The following EPS15 variants were observed in gnomAD, a reference collection of about 807,000 sequenced individuals.
EPS15 encodes epidermal growth factor receptor substrate 15.
In EPS15, 72 loss-of-function variants were observed where a neutral mutation model predicts 113.8. The observed-to-expected ratio is 0.63, with a 90% CI of 0.52 to 0.77. EPS15 has a LOEUF of 0.77. Ranked by LOEUF, EPS15 falls within the 30% of genes least tolerant of loss-of-function variation. EPS15 has a pLI of 0.00. For missense variants in EPS15, 1,048 were observed against 1,045.8 expected, an observed-to-expected ratio of 1.00 and a Z score of -0.03; for synonymous variants, 344 against 363.4, an observed-to-expected ratio of 0.95 and a Z score of 0.61.
chr1:51,391,996 C>T (rs1289543022), intron 21 of EPS15, among the ~76,000 whole-genome samples: 1 of 152,060 alleles, frequency 6.6e-6, no homozygotes, highest in Non-Finnish European at 1.5e-5. Context: ...AGATATAGAT[C>T]AGTGTATCAG....
intron 8 of EPS15, among the ~76,000 whole-genome samples, chr1:51,455,376 G>C (rs1234321666): frequency 1.3e-5 from 2 of 152,090 alleles, no homozygotes; most frequent in East Asian, 3.9e-4. Context: ...GATTACCTGA[G>C]ATCAGGAGTT....
intron 21 of EPS15, among the ~76,000 whole-genome samples, chr1:51,383,646 C>A (rs1161556041): frequency 6.6e-6 from 1 of 152,210 alleles, no homozygotes; most frequent in Non-Finnish European, 1.5e-5. Context: ...CACTCACCTC[C>A]TCCTGTGCAG....
intron 2 of EPS15, among the ~76,000 whole-genome samples, chr1:51,477,840 C>A (rs1643939960): frequency 1.3e-5 from 2 of 152,096 alleles, no homozygotes; most frequent in African/African-American, 2.4e-5. Context: ...AATTTCTGTT[C>A]TTTTACATTT....
chr1:51,392,657 T>C (rs1043531966), intron 21 of EPS15, among the ~76,000 whole-genome samples: 31 of 152,336 alleles, frequency 2.0e-4, no homozygotes, highest in African/African-American at 6.7e-4. Flanking sequence ...CTTGTTCACA[T>C]TGTTCTTTTT....
At chr1:51,488,541 T>C (rs1282016048) in intron 1 of EPS15, among the ~76,000 whole-genome samples, 6 of 151,300 alleles carry the variant, frequency 4.0e-5, no homozygotes, top group African/African-American at 1.5e-4. Context: ...ATTCTACTAC[T>C]TCTTAGGTAT....
chr1:51,484,293 C>A lies in EPS15; in HGVS notation c.34-2979G>T, dbSNP rs116248658. 7.9e-3 allele frequency among the ~76,000 whole-genome samples: 1,190 copies of A among 151,186 alleles called. 11 individuals carry two copies. Among genetic ancestry groups the A allele is most frequent in the Non-Finnish European group, 0.012 (805 of 67,712 alleles). ...AAACTATTATTGGGCCAGGTGTAGT[C>A]GCTCGCGCCTGTAATCTCAGCACTT... On this transcript the variant is annotated intron_variant, in intron 1 of 24. Transcript: ENST00000371733.
intron 21 of EPS15, among the ~76,000 whole-genome samples, chr1:51,393,486 G>A (rs553530193): frequency 6.6e-6 from 1 of 152,202 alleles, no homozygotes; most frequent in Non-Finnish European, 1.5e-5. Context: ...ACAGGCGTGA[G>A]CCACCGGGCC....
Position 51,436,354 on chromosome 1 carries a change from T to C in EPS15, c.1040+3993A>G, listed in dbSNP as rs72637991. On this transcript the variant is annotated intron_variant, in intron 12 of 24. Coordinates refer to ENST00000371733, the MANE Select transcript of EPS15 (RefSeq NM_001981.3). ...CAAAGCAGAGAGCCAATGAGGAGGTTACAGCCATGATCCAGATAAAAGACA... is the reference window on the plus strand; with the variant it reads ...CAAAGCAGAGAGCCAATGAGGAGGTCACAGCCATGATCCAGATAAAAGACA... Among the ~76,000 whole-genome samples, 969 of 152,236 alleles carry C rather than the reference T, an allele frequency of 6.4e-3. 51 individuals carry two copies. The East Asian group carries it at 0.16, about 25-fold the overall frequency.
intron 21 of EPS15, among the ~76,000 whole-genome samples, chr1:51,379,375 C>T (rs879408435): frequency 7.2e-5 from 11 of 152,200 alleles, no homozygotes; most frequent in African/African-American, 2.6e-4. Flanking sequence ...CCACCTCGGC[C>T]TCCCACAGTG....
At chr1:51,426,231 C>T (rs577735860) in intron 12 of EPS15, among the ~76,000 whole-genome samples, 1 of 151,450 alleles carries the variant, frequency 6.6e-6, no homozygotes, top group Non-Finnish European at 1.5e-5. Flanking sequence ...CTTCTAATGT[C>T]TTTCTACTCA....
intron 11 of EPS15, among the ~76,000 whole-genome samples, chr1:51,444,493 T>C (rs113602705): frequency 6.6e-6 from 1 of 152,218 alleles, no homozygotes; most frequent in African/African-American, 2.4e-5. Flanking sequence ...AACCATCATA[T>C]GCAAGATTCT....
At chr1:51,466,688 A>C (rs1654869660) in intron 5 of EPS15, among the ~76,000 whole-genome samples, 1 of 151,932 alleles carries the variant, frequency 6.6e-6, no homozygotes, top group African/African-American at 2.4e-5. Flanking sequence ...ATACTAACTT[A>C]AATGTAAAAA....
chr1:51,361,018 TCAAA>T (rs1377906777), intron 24 of EPS15, among the ~76,000 whole-genome samples, 149 bp downstream of exon 24: 1 of 152,224 alleles, frequency 6.6e-6, no homozygotes, highest in Non-Finnish European at 1.5e-5. Context: ...CAAAACAGGA[TCAAA>T]CAGAGGTTTT....
intron 12 of EPS15, among the ~76,000 whole-genome samples, chr1:51,436,365 T>G (rs1340470699): frequency 6.6e-6 from 1 of 152,008 alleles, no homozygotes; most frequent in African/African-American, 2.4e-5. Context: ...ACAGCCATGA[T>G]CCAGATAAAA....
intron 17 of EPS15, among the ~76,000 whole-genome samples, chr1:51,402,855 A>C (rs1260025382): frequency 6.6e-6 from 1 of 152,214 alleles, no homozygotes; most frequent in African/African-American, 2.4e-5. Flanking sequence ...CAGTGAGCCA[A>C]GATCACACTA....
chr1:51,409,724 A>C (rs1452274220), intron 13 of EPS15, 28 bp from the exon 14 acceptor site: 3 of 1,533,468 alleles, frequency 2.0e-6, no homozygotes, highest in Non-Finnish European at 2.7e-6. Flanking sequence ...TAATATATTT[A>C]TTTTCTTTGC....
At chr1:51,385,650 TAA>T in intron 21 of EPS15, among the ~76,000 whole-genome samples, 1 of 152,174 alleles carries the variant, frequency 6.6e-6, no homozygotes, top group Non-Finnish European at 1.5e-5. Flanking sequence ...TGACGGCAAC[TAA>T]GTGTCCATTA....
intron 12 of EPS15, chr1:51,423,617 A>G: frequency 1.0e-6 from 1 of 985,296 alleles, no homozygotes; most frequent in Non-Finnish European, 1.2e-6. Context: ...AAAATAGAAA[A>G]CACTACAGTG....
chr1:51,374,728 G>A (rs1180214070), intron 21 of EPS15, among the ~76,000 whole-genome samples: 1 of 152,156 alleles, frequency 6.6e-6, no homozygotes, highest in Non-Finnish European at 1.5e-5. Context: ...CTCAATGTGA[G>A]GCAAAATATT....
Sources: gnomAD v4.1 joint callset for allele counts (sites outside exome capture counted in the v4.1 genomes callset) on GRCh38, gnomAD v4.1.1 for gene constraint, MANE v1.5 for transcripts, NCBI Gene and HGNC (gene_info 2026-07-23, HGNC 2026-07-21) for gene names.